The following ACOT7 variants were observed in gnomAD, a reference collection of about 807,000 sequenced individuals.
The protein encoded by ACOT7 is acyl-CoA thioesterase 7, also known as cytosolic acyl coenzyme A thioester hydrolase.
A neutral mutation model predicts 40.2 loss-of-function variants in ACOT7; 12 were observed. The observed-to-expected ratio is 0.30, with a 90% CI of 0.19 to 0.48. ACOT7 has a LOEUF of 0.48. Ranked by LOEUF, ACOT7 falls within the 20% of genes least tolerant of loss-of-function variation. ACOT7 has a pLI of 0.99. For missense variants in ACOT7, 395 were observed against 530.8 expected (o/e 0.74, Z 2.51); for synonymous variants, 228 against 219.5 (o/e 1.04, Z -0.34).
At position 6,278,655 on chromosome 1, in the gene ACOT7, A is replaced by C. The variant is rs922300956; in HGVS notation, c.1014+2447T>G. ...CCAAGTCAATTTGGGAGTCAATACA[A>C]CACACAGGCGATGCTCGAGGCACAG... On this transcript the variant is annotated intron_variant, in intron 8 of 8. Transcript: ENST00000361521. The surrounding 1 kb of genome is among the most constrained non-coding windows in gnomAD (Gnocchi z 4.1). Among the ~76,000 whole-genome samples, 2 of 152,208 alleles carry C rather than the reference A, an allele frequency of 1.3e-5. No homozygotes were observed. Among genetic ancestry groups the C allele is most frequent in the Non-Finnish European group, 2.9e-5 (2 of 68,030 alleles).
At chr1:6,321,109 T>C (rs1190216918) in intron 5 of ACOT7, among the ~76,000 whole-genome samples, 1 of 152,164 alleles carries the variant, frequency 6.6e-6, no homozygotes, top group African/African-American at 2.4e-5. Context: ...CTGATTCCAC[T>C]CTTGGGGAGG....
intron 1 of ACOT7, among the ~76,000 whole-genome samples, chr1:6,364,740 C>T (rs1201705115): frequency 6.8e-6 from 1 of 147,120 alleles, no homozygotes; most frequent in Admixed American, 7.0e-5. Context: ...CCCAGCTACT[C>T]GGGAGGCTGA....
intron 1 of ACOT7, among the ~76,000 whole-genome samples, chr1:6,391,613 G>A (rs1353073133): frequency 1.3e-5 from 2 of 152,176 alleles, no homozygotes; most frequent in Non-Finnish European, 1.5e-5. Context: ...AGCCTTCCAC[G>A]GGAAGATTTA....
At chr1:6,334,351 C>A (rs182052869) in intron 3 of ACOT7, among the ~76,000 whole-genome samples, 13 of 152,372 alleles carry the variant, frequency 8.5e-5, no homozygotes, top group African/African-American at 3.1e-4. Flanking sequence ...TCCCGCCAAA[C>A]GGGGAAGCCC....
intron 1 of ACOT7, among the ~76,000 whole-genome samples, chr1:6,374,198 C>T (rs1000866511): frequency 1.3e-5 from 2 of 152,204 alleles, no homozygotes; most frequent in Non-Finnish European, 2.9e-5. Context: ...CTGGCAGCTG[C>T]GCCCACGTCC....
At chr1:6,364,426 A>G (rs914995602) in intron 1 of ACOT7, among the ~76,000 whole-genome samples, 3 of 151,920 alleles carry the variant, frequency 2.0e-5, no homozygotes, top group Admixed American at 6.6e-5. Context: ...ATGTAATCCC[A>G]GCTACTCGGG....
At chr1:6,290,891 C>T (rs532967337) in intron 7 of ACOT7, among the ~76,000 whole-genome samples, 1 of 152,314 alleles carries the variant, frequency 6.6e-6, no homozygotes, top group African/African-American at 2.4e-5. Flanking sequence ...CTGCTCTTCT[C>T]AAAAGTGGGG....
rs1205165847 is a variant in ACOT7, at chr1:6,344,676, A to C, written c.261+5073T>G. Among the ~76,000 whole-genome samples, 5 of 150,434 alleles carry C rather than the reference A, an allele frequency of 3.3e-5. No individual in the cohort carries two copies. In the Admixed American group the frequency reaches 3.3e-4, roughly 10 times the overall value. On this transcript the variant is annotated intron_variant, in intron 2 of 8. Coordinates refer to ENST00000361521, the MANE Select transcript of ACOT7 (RefSeq NM_007274.4). ...CTACTCGGGAGGCTGAGGCAGGAGAATCACTTGAACCCAGGAGGCAGAGGT... is the reference window on the plus strand; with the variant it reads ...CTACTCGGGAGGCTGAGGCAGGAGACTCACTTGAACCCAGGAGGCAGAGGT...
At chr1:6,290,558 T>A (rs545584931) in intron 7 of ACOT7, among the ~76,000 whole-genome samples, 5 of 152,386 alleles carry the variant, frequency 3.3e-5, no homozygotes, top group Non-Finnish European at 5.9e-5. Context: ...CGTATGATTT[T>A]AAAAGTAATC....
At chr1:6,267,579 A>G (rs574915678) in intron 8 of ACOT7, among the ~76,000 whole-genome samples, 4 of 152,238 alleles carry the variant, frequency 2.6e-5, no homozygotes, top group East Asian at 1.9e-4. Context: ...TTGGGGATCT[A>G]TGCACTAAAT....
At chr1:6,365,775 A>C (rs1641997265) in intron 1 of ACOT7, among the ~76,000 whole-genome samples, 1 of 152,078 alleles carries the variant, frequency 6.6e-6, no homozygotes, top group Admixed American at 6.6e-5. Flanking sequence ...CTCAAAAAAA[A>C]AAAAAAAATT....
intron 6 of ACOT7, among the ~76,000 whole-genome samples, chr1:6,313,818 A>G (rs970916362): frequency 1.3e-5 from 2 of 152,096 alleles, no homozygotes; most frequent in African/African-American, 4.8e-5. Context: ...GTTCAAAAAA[A>G]AAAAAGAAAA....
intron 1 of ACOT7, among the ~76,000 whole-genome samples, chr1:6,364,846 CAAAAAAAAAAA>C (rs770975001): frequency 5.3e-5 from 2 of 37,530 alleles, no homozygotes; most frequent in African/African-American, 9.4e-5. Flanking sequence ...GACTCCATCT[CAAAAAAAAAAA>C]AAAAAAAAAA....
At position 6,351,985 on chromosome 1, in the gene ACOT7, T is replaced by C. The variant is rs376966601; in HGVS notation, c.144-2119A>G. 1.0e-3 allele frequency among the ~76,000 whole-genome samples: 157 copies of C among 152,260 alleles called. 1 individual carries two copies. Among genetic ancestry groups the C allele is most frequent in the African/African-American group, 3.5e-3 (147 of 41,548 alleles). On this transcript the variant is annotated intron_variant, in intron 1 of 8. Coordinates refer to ENST00000361521, the MANE Select transcript of ACOT7 (RefSeq NM_007274.4). Reference sequence around the variant, plus strand: ...GGACTCGGCACTTGGCGCTGTGCCATCAGGAGTACATGCCAGGAACTGCAG... The same window carrying C: ...GGACTCGGCACTTGGCGCTGTGCCACCAGGAGTACATGCCAGGAACTGCAG...
chr1:6,393,126 G>A (rs1219288146), intron 1 of ACOT7, 131 bp downstream of exon 1: 28 of 1,045,926 alleles, frequency 2.7e-5, no homozygotes, highest in Non-Finnish European at 3.2e-5. Flanking sequence ...GCGGCGGCGC[G>A]GAAGGCCGTG....
At chr1:6,332,405 A>T (rs1044454671) in intron 4 of ACOT7, among the ~76,000 whole-genome samples, 5 of 152,170 alleles carry the variant, frequency 3.3e-5, no homozygotes, top group African/African-American at 1.2e-4. Flanking sequence ...CAACGAATTA[A>T]ATTTCTTTAT....
rs1428265903 is a variant in ACOT7 at position 6,282,178 on chromosome 1, G to A, written c.830-892C>T. ...CTCTTCTGCCCCCACCACCCTCCCC[G>A]GCCTGGGCTCCATCCTCCTACCTGG... On this transcript the variant is annotated intron_variant, in intron 7 of 8. Coordinates refer to ENST00000361521, the MANE Select transcript of ACOT7 (RefSeq NM_007274.4). This position sits in a 1 kb window ranked among gnomAD's most constrained non-coding sequence, Gnocchi z 4.5. Among the ~76,000 whole-genome samples the A allele has an allele frequency of 6.6e-6, 1 of 151,974 alleles. No individual in the cohort carries two copies. Among genetic ancestry groups the A allele is most frequent in the African/African-American group, 2.4e-5 (1 of 41,366 alleles).
At chr1:6,315,767 A>AG (rs1006214285) in intron 6 of ACOT7, among the ~76,000 whole-genome samples, 1 of 150,574 alleles carries the variant, frequency 6.6e-6, no homozygotes, top group Non-Finnish European at 1.5e-5. Flanking sequence ...AAAAAAAAAA[A>AG]AAAAAAAAAA....
rs1183683885 is a variant in ACOT7 at position 6,330,963 on chromosome 1, G to C, written c.510+2514C>G. Among the ~76,000 whole-genome samples, 1 of 152,198 alleles carries C rather than the reference G, an allele frequency of 6.6e-6. No homozygotes were observed. Among genetic ancestry groups the C allele is most frequent in the Middle Eastern group, 3.2e-3 (1 of 316 alleles). ...TGTCTCAATATTTACATGTGATGTG[G>C]CTCACTGAACGCCAAGGGCTTAGAG... On this transcript the variant is annotated intron_variant, in intron 4 of 8. Transcript: ENST00000361521. This position sits in a 1 kb window ranked among gnomAD's most constrained non-coding sequence, Gnocchi z 4.6.
Sources: allele counts gnomAD v4.1 joint callset (sites outside exome capture counted in the v4.1 genomes callset), GRCh38; gene constraint gnomAD v4.1.1; non-coding constraint Gnocchi (gnomAD v3.1); transcripts MANE v1.5; gene names NCBI Gene and HGNC (gene_info 2026-07-23, HGNC 2026-07-21).